The following FAM193A variants were observed in gnomAD, a reference collection of about 807,000 sequenced individuals.
FAM193A encodes the protein protein FAM193A.
In FAM193A, 22 loss-of-function variants were observed where a neutral mutation model predicts 126.5. The observed-to-expected ratio is 0.17, with a 90% CI of 0.12 to 0.25. The LOEUF is 0.25. FAM193A is among the 10% of genes least tolerant of loss of function. The probability of loss-of-function intolerance (pLI) is 1.00; values close to 1 mark genes in which losing one functional copy is unlikely to be tolerated. For synonymous variants in FAM193A, 761 were observed against 646.8 expected, an observed-to-expected ratio of 1.18 and a Z score of -2.68; for missense variants, 1,675 against 1,672.8, an observed-to-expected ratio of 1.00 and a Z score of -0.02.
intron 1 of FAM193A, among the ~76,000 whole-genome samples, chr4:2,566,012 C>T (rs1231102756): frequency 1.3e-5 from 2 of 151,124 alleles, no homozygotes; most frequent in African/African-American, 4.9e-5. Flanking sequence ...TCTGTCCCCT[C>T]AAGGTAAAGG....
At chr4:2,586,763 C>G (rs1577042458) in intron 1 of FAM193A, among the ~76,000 whole-genome samples, 1 of 152,178 alleles carries the variant, frequency 6.6e-6, no homozygotes, top group East Asian at 1.9e-4. Flanking sequence ...AAGCAATCTT[C>G]CCACCTCAGC....
At chr4:2,558,273 GAA>G (rs527575996) in intron 1 of FAM193A, among the ~76,000 whole-genome samples, 10 of 103,204 alleles carry the variant, frequency 9.7e-5, no homozygotes, top group Admixed American at 9.8e-5. Flanking sequence ...CATCTCAAAT[GAA>G]AAAAAAAAAA....
chr4:2,667,584 G>A (rs578182030), intron 12 of FAM193A, among the ~76,000 whole-genome samples: 5 of 152,048 alleles, frequency 3.3e-5, no homozygotes, highest in African/African-American at 7.2e-5. Flanking sequence ...GTTTCTTAAC[G>A]TCCGTTTTAT....
chr4:2,576,499 G>A (rs920442636), intron 1 of FAM193A, among the ~76,000 whole-genome samples: 1 of 152,162 alleles, frequency 6.6e-6, no homozygotes, highest in African/African-American at 2.4e-5. Context: ...GGGGTTTAAG[G>A]CTGTATTGCA....
chr4:2,631,979 G>A (rs1743636731), intron 5 of FAM193A, among the ~76,000 whole-genome samples: 1 of 152,006 alleles, frequency 6.6e-6, no homozygotes, highest in South Asian at 2.1e-4. Context: ...ACTGTATTTG[G>A]GTGCTAGTTT....
chr4:2,710,394 C>T (rs1336004404), intron 19 of FAM193A, among the ~76,000 whole-genome samples: 1 of 151,934 alleles, frequency 6.6e-6, no homozygotes, highest in Admixed American at 6.6e-5. Context: ...AGGATGGTCT[C>T]CATCTCCTGA....
At chr4:2,717,441 C>T (rs1719664335) in intron 20 of FAM193A, among the ~76,000 whole-genome samples, 3 of 151,532 alleles carry the variant, frequency 2.0e-5, no homozygotes, top group Admixed American at 2.0e-4. Flanking sequence ...ACTAAAAATA[C>T]AAAAATTACC....
chr4:2,650,863 C>G (rs186411590), intron 7 of FAM193A, among the ~76,000 whole-genome samples: 1 of 152,176 alleles, frequency 6.6e-6, no homozygotes, highest in Non-Finnish European at 1.5e-5. Flanking sequence ...ATGGCAGCAA[C>G]GGTATTTGCC....
intron 2 of FAM193A, among the ~76,000 whole-genome samples, chr4:2,605,970 CAAAAAA>C (rs1160026686): frequency 1.6e-4 from 5 of 31,890 alleles, no homozygotes; most frequent in Non-Finnish European, 2.2e-4. Context: ...GACTCTGTCT[CAAAAAA>C]AAAAAAAAAA....
At chr4:2,573,127 C>T (rs1000642167) in intron 1 of FAM193A, among the ~76,000 whole-genome samples, 5 of 151,898 alleles carry the variant, frequency 3.3e-5, no homozygotes, top group Middle Eastern at 3.4e-3. Context: ...CTTTTTTTCC[C>T]GCCTCACTCT....
intron 1 of FAM193A, among the ~76,000 whole-genome samples, chr4:2,589,139 T>C (rs183663898): frequency 1.9e-4 from 29 of 152,332 alleles, no homozygotes; most frequent in Admixed American, 3.3e-4. Flanking sequence ...ATAGTAATTA[T>C]ATTATTTAAT....
chr4:2,581,224 A>G (rs1366519338), intron 1 of FAM193A, among the ~76,000 whole-genome samples: 1 of 147,092 alleles, frequency 6.8e-6, no homozygotes, highest in Non-Finnish European at 1.5e-5. Context: ...CTGATACCAT[A>G]TTCTCTCTTC....
intron 2 of FAM193A, among the ~76,000 whole-genome samples, chr4:2,599,578 G>T (rs940461052): frequency 2.0e-5 from 3 of 152,168 alleles, no homozygotes; most frequent in Non-Finnish European, 4.4e-5. Flanking sequence ...ACAGTTGCAC[G>T]TTGCAAATTT....
intron 4 of FAM193A, 92 bp from the exon 5 acceptor site, chr4:2,630,843 C>T (rs1228096721): frequency 2.9e-6 from 2 of 700,664 alleles, no homozygotes; most frequent in African/African-American, 3.5e-5. Flanking sequence ...GAGGTGGCCA[C>T]CTGTGGAAGG....
intron 6 of FAM193A, among the ~76,000 whole-genome samples, chr4:2,644,718 G>A (rs1407088777): frequency 1.3e-5 from 2 of 152,140 alleles, no homozygotes; most frequent in African/African-American, 2.4e-5. Flanking sequence ...GTAGCTGCAA[G>A]GTTCCCAGGT....
chr4:2,570,638 C>T (rs1327804832), intron 1 of FAM193A, among the ~76,000 whole-genome samples: 1 of 152,050 alleles, frequency 6.6e-6, no homozygotes, highest in African/African-American at 2.4e-5. Flanking sequence ...CATAGTGACA[C>T]AGGAAATAAG....
intron 13 of FAM193A, among the ~76,000 whole-genome samples, chr4:2,681,052 C>G (rs971773525): frequency 1.3e-5 from 2 of 152,088 alleles, no homozygotes; most frequent in African/African-American, 4.8e-5. Flanking sequence ...TGCAGTAGCA[C>G]GATCATAGCT....
intron 20 of FAM193A, among the ~76,000 whole-genome samples, chr4:2,729,928 C>T (rs775312296): frequency 5.3e-5 from 8 of 151,606 alleles, no homozygotes; most frequent in East Asian, 3.9e-4. Flanking sequence ...ATTTTTGAGA[C>T]GGGTCTCACC....
chr4:2,712,682 G>C (rs1262769324), intron 19 of FAM193A, among the ~76,000 whole-genome samples: 3 of 152,258 alleles, frequency 2.0e-5, no homozygotes, highest in Non-Finnish European at 4.4e-5. Flanking sequence ...TTCACACTTA[G>C]TGATATAACT....
Sources: gnomAD v4.1 joint callset for allele counts (sites outside exome capture counted in the v4.1 genomes callset) on GRCh38, gnomAD v4.1.1 for gene constraint, MANE v1.5 for transcripts, NCBI Gene and HGNC (gene_info 2026-07-23, HGNC 2026-07-21) for gene names.